The following DIXDC1 variants were observed in gnomAD, a reference collection of about 807,000 sequenced individuals.
The protein encoded by DIXDC1 is dixin.
DIXDC1 carries 64 observed loss-of-function variants against 103.1 expected under a neutral mutation model. That is an observed-to-expected ratio of 0.62 (90% CI 0.51 to 0.76). The LOEUF is 0.76. Among genes scored for constraint, DIXDC1 ranks in the 30% least tolerant of loss-of-function variants. The pLI is 0.00. For missense variants in DIXDC1, 759 were observed against 834.2 expected, an observed-to-expected ratio of 0.91 and a Z score of 1.11; for synonymous variants, 266 against 298.5, an observed-to-expected ratio of 0.89 and a Z score of 1.12.
chr11:111,933,498 C>T (rs1170600240), upstream of DIXDC1, among the ~76,000 whole-genome samples: 2 of 152,058 alleles, frequency 1.3e-5, no homozygotes, highest in African/African-American at 2.4e-5. Context: ...GGTGCAGTCA[C>T]GGCTCACTGT....
intron 17 of DIXDC1, among the ~76,000 whole-genome samples, chr11:112,010,713 G>A (rs2137630473): frequency 6.6e-6 from 1 of 152,214 alleles, no homozygotes; most frequent in South Asian, 2.1e-4. Flanking sequence ...AGGATTCCCT[G>A]TTTAATAAAT....
In DIXDC1 at chr11:111,977,260, C is replaced by A; in HGVS notation, c.656+2277C>A. The A allele has an allele frequency of 4.0e-6, 4 of 1,003,196 alleles. No homozygotes were observed. Among genetic ancestry groups the A allele is most frequent in the Non-Finnish European group, 4.8e-6 (4 of 842,002 alleles). The allele number at this position is 1,003,196 out of a possible 1,614,324, so 62.1% of individuals were successfully genotyped here. On this transcript the variant is annotated intron_variant, in intron 5 of 19. Coordinates refer to ENST00000440460, the MANE Select transcript of DIXDC1 (RefSeq NM_001037954.4). The surrounding 1 kb of genome is among the most constrained non-coding windows in gnomAD (Gnocchi z 6.1). The stretch of plus-strand genomic sequence containing the variant: ...GGCTTGGGTCGGAGCCCGGCTGCCT[C>A]GCCGCGTGTGACAGCCCAGGGAGGG...
At chr11:111,993,049 A>C (rs1555174740) in intron 12 of DIXDC1, 45 bp downstream of exon 12, 38 of 1,556,628 alleles carry the variant, frequency 2.4e-5, no homozygotes, top group Non-Finnish European at 2.9e-5. Context: ...CTGACTTTTC[A>C]TGAACAGCCC....
intron 1 of DIXDC1, chr11:111,929,675 C>G (rs587749594): frequency 4.2e-6 from 2 of 476,270 alleles, no homozygotes; most frequent in East Asian, 7.1e-5. Flanking sequence ...TTCCTGCTAA[C>G]TAGGGTCCTA....
At chr11:111,964,907 A>G (rs892029191) in intron 2 of DIXDC1, among the ~76,000 whole-genome samples, 4 of 152,340 alleles carry the variant, frequency 2.6e-5, no homozygotes, top group African/African-American at 4.8e-5. Flanking sequence ...AGAATAGTCC[A>G]TGCTCTCAAG....
chr11:111,930,503 C>T (rs1344312378), intron 2 of DIXDC1, among the ~76,000 whole-genome samples: 2 of 152,026 alleles, frequency 1.3e-5, no homozygotes, highest in African/African-American at 4.8e-5. Flanking sequence ...TTTTAACATG[C>T]GATCATATGC....
intron 2 of DIXDC1, among the ~76,000 whole-genome samples, chr11:111,967,147 T>TA (rs1198732635): frequency 6.6e-5 from 10 of 152,208 alleles, no homozygotes; most frequent in Non-Finnish European, 1.0e-4. Context: ...TACTCCTAAG[T>TA]GATTTCTTCC....
In DIXDC1 at chr11:111,995,412, C is replaced by A; in HGVS notation, c.1537C>A (p.Leu513Met). 1.2e-6 allele frequency: 2 copies of A among 1,612,314 alleles called. No individual in the cohort carries two copies. Among genetic ancestry groups the A allele is most frequent in the Non-Finnish European group, 1.7e-6 (2 of 1,179,892 alleles). ...TTATTTTTGCCCACAGACCAGCGACCTGCAGCTTGTTCGAGATGCTCTCCG... is the reference window on the plus strand; with the variant it reads ...TTATTTTTGCCCACAGACCAGCGACATGCAGCTTGTTCGAGATGCTCTCCG... ...TSVSNRGTSD[L>M]QLVRDALRSL... is the part of the protein sequence containing the mutation. Residue 513 changes from leucine to methionine, a missense_variant, in exon 16 of 20, where the codon CTG becomes ATG. Coordinates refer to ENST00000440460, the MANE Select transcript of DIXDC1 (RefSeq NM_001037954.4).
intron 1 of DIXDC1, among the ~76,000 whole-genome samples, chr11:111,954,994 G>A (rs1053584882): frequency 4.6e-5 from 7 of 151,996 alleles, no homozygotes; most frequent in Non-Finnish European, 1.0e-4. Context: ...AGGTATGTAT[G>A]TATGCATATA....
intron 5 of DIXDC1, among the ~76,000 whole-genome samples, chr11:111,980,228 C>T (rs931951674): frequency 6.6e-6 from 1 of 152,172 alleles, no homozygotes; most frequent in East Asian, 1.9e-4. Flanking sequence ...ACCCTGTACT[C>T]TCCTTTGTGA....
rs1555172786 is a variant in DIXDC1, at chr11:111,977,742, CT to C, written c.656+2761del. 3 of 1,560,482 alleles carry C rather than the reference CT, an allele frequency of 1.9e-6. No individual in the cohort carries two copies. Among genetic ancestry groups the C allele is most frequent in the Non-Finnish European group, 2.6e-6 (3 of 1,152,384 alleles). ...CTCCCACTTCACCCGGGGACGCAGG[CT>C]TGCTGAAGCCCGAGACAGGAGGGGG... is the stretch of plus-strand genomic sequence containing the variant. On this transcript the variant is annotated intron_variant, in intron 5 of 19. Transcript: ENST00000440460. The surrounding 1 kb of genome is among the most constrained non-coding windows in gnomAD (Gnocchi z 6.1).
At chr11:112,009,964 A>T (rs974257235) in intron 17 of DIXDC1, among the ~76,000 whole-genome samples, 1 of 152,222 alleles carries the variant, frequency 6.6e-6, no homozygotes, top group Non-Finnish European at 1.5e-5. Context: ...GGCCAGGGCA[A>T]TCAGGCAAGA....
chr11:112,007,825 A>T (rs1269785005), intron 17 of DIXDC1, among the ~76,000 whole-genome samples: 1 of 152,242 alleles, frequency 6.6e-6, no homozygotes, highest in African/African-American at 2.4e-5. Flanking sequence ...CATGGAAAGG[A>T]ACAACCGGTA....
At position 111,937,538 on chromosome 11, in the gene DIXDC1, C is replaced by T. The variant is rs587619682; in HGVS notation, c.39C>T (p.Val13=). The change falls in exon 1 of 20, where the codon GTC becomes GTT. Residue 13 remains valine, a synonymous_variant. Transcript: ENST00000440460. ...TGACCCGAGGGAACTTACTGGACGT[C>T]CTGCAGGAGGGCTTCAATGAGGTAA... ...ACLTRGNLLD[V]LQEGFNEQQL... 2.5e-6 allele frequency: 4 copies of T among 1,595,678 alleles called. No individual in the cohort carries two copies. The highest frequency in any genetic ancestry group is 2.7e-5 in the African/African-American group (2 of 74,598).
At chr11:112,009,240 T>C (rs1439464995) in intron 17 of DIXDC1, among the ~76,000 whole-genome samples, 1 of 151,906 alleles carries the variant, frequency 6.6e-6, no homozygotes, top group Non-Finnish European at 1.5e-5. Flanking sequence ...ACATACACCC[T>C]CCCAAGACTA....
intron 1 of DIXDC1, among the ~76,000 whole-genome samples, chr11:111,962,058 G>A (rs1342638653): frequency 6.6e-6 from 1 of 152,142 alleles, no homozygotes; most frequent in East Asian, 1.9e-4. Context: ...TCATAACTGG[G>A]TACAGTGCCT....
In DIXDC1 at chr11:111,964,645, G is replaced by A. The variant is rs1555171344; in HGVS notation, c.157G>A (p.Gly53Arg). 5 of 1,612,222 alleles carry A rather than the reference G, an allele frequency of 3.1e-6. No homozygotes were observed. The South Asian group carries it at 5.5e-5, about 18-fold the overall frequency. ...VQDLRQDLRD[G>R]VILAYLIEIV... Reference sequence around the variant, plus strand: ...GGACCTGCGACAAGATCTCCGGGATGGGGTGATCCTGGCATATCTCATCGA... The same window carrying A: ...GGACCTGCGACAAGATCTCCGGGATAGGGTGATCCTGGCATATCTCATCGA... Residue 53 changes from glycine to arginine, a missense_variant, in exon 2 of 20, where the codon GGG becomes AGG. Physicochemically the swap from Gly to Arg is moderately radical, Grantham distance 125. This residue lies in a region of DIXDC1 where 97 missense variants were observed against 85.4 expected (regional missense o/e 1.14). Coordinates refer to ENST00000440460, the MANE Select transcript of DIXDC1 (RefSeq NM_001037954.4).
At chr11:111,966,505 G>A (rs1307414572) in intron 2 of DIXDC1, among the ~76,000 whole-genome samples, 1 of 145,904 alleles carries the variant, frequency 6.9e-6, no homozygotes, top group Non-Finnish European at 1.5e-5. Flanking sequence ...CCGGGTTCAC[G>A]CCATTCTCCT....
chr11:112,011,815 C>T (rs933289109), intron 17 of DIXDC1, among the ~76,000 whole-genome samples: 8 of 130,898 alleles, frequency 6.1e-5, no homozygotes, highest in South Asian at 2.7e-4. Context: ...GAGGGGGGGA[C>T]GGGGGGAGGG....
Sources: gnomAD v4.1 joint callset for allele counts (sites outside exome capture counted in the v4.1 genomes callset) on GRCh38, gnomAD v4.1.1 for gene constraint, gnomAD v4.1.1 regional missense constraint, Gnocchi (gnomAD v3.1) non-coding constraint, MANE v1.5 for transcripts, NCBI Gene and HGNC (gene_info 2026-07-23, HGNC 2026-07-21) for gene names.